The following SORCS1 variants were observed in gnomAD, a reference collection of about 807,000 sequenced individuals.
SORCS1 encodes the protein sortilin related VPS10 domain containing receptor 1, also known as VPS10 domain-containing receptor SorCS1.
A neutral mutation model predicts 146.1 loss-of-function variants in SORCS1; 60 were observed. That is an observed-to-expected ratio of 0.41 (90% CI 0.33 to 0.51). SORCS1 has a LOEUF of 0.51. SORCS1 is among the 20% of genes least tolerant of loss of function. The pLI is 0.21. For synonymous variants in SORCS1, 637 were observed against 584.0 expected (o/e 1.09, Z -1.31); for missense variants, 1,352 against 1,487.6 (o/e 0.91, Z 1.50).
At chr10:106,754,879 A>T (rs1858520171) in intron 5 of SORCS1, among the ~76,000 whole-genome samples, 1 of 152,232 alleles carries the variant, frequency 6.6e-6, no homozygotes, top group Non-Finnish European at 1.5e-5. Context: ...ATCACCATTC[A>T]GCTGTCCCTA....
chr10:107,150,347 C>T (rs1750257333), intron 1 of SORCS1, among the ~76,000 whole-genome samples: 1 of 152,214 alleles, frequency 6.6e-6, no homozygotes, highest in Non-Finnish European at 1.5e-5. Flanking sequence ...ACTTCCAAAA[C>T]AAAATCACTC....
intron 2 of SORCS1, among the ~76,000 whole-genome samples, chr10:106,854,074 C>T (rs1949693582): frequency 6.6e-6 from 1 of 151,886 alleles, no homozygotes; most frequent in East Asian, 1.9e-4. Flanking sequence ...ATAATAATGA[C>T]TTCATCTTTA....
chr10:107,176,220 C>T, the SORCS1 span, among the ~76,000 whole-genome samples: 1 of 150,512 alleles, frequency 6.6e-6, no homozygotes, highest in African/African-American at 2.5e-5. Context: ...TTCCTTCCTT[C>T]CTTCCTCCCT....
chr10:106,813,705 C>T (rs917368441), intron 3 of SORCS1, among the ~76,000 whole-genome samples: 2 of 152,146 alleles, frequency 1.3e-5, no homozygotes, highest in African/African-American at 4.8e-5. Flanking sequence ...GAGGCTGAGG[C>T]AGGAGGATCA....
chr10:106,963,110 A>ATTTTTTTTTTTTTTTTTTTTTTTT lies in SORCS1; in HGVS notation c.559-6554_559-6531dup, dbSNP rs749174613. ...AAGAGAGCAGTGTTCAATGGCCAGAATTTTTTTTTTTTTTTTTTTTTTTTT... is the reference window on the plus strand; with the variant it reads ...AAGAGAGCAGTGTTCAATGGCCAGAATTTTTTTTTTTTTTTTTTTTTTTTTTTTTTTTTTTTTTTTTTTTTTTTT... On this transcript the variant is annotated intron_variant, in intron 1 of 25. Coordinates refer to ENST00000263054, the MANE Select transcript of SORCS1 (RefSeq NM_052918.5). Among the ~76,000 whole-genome samples, 7 of 76,310 alleles carry ATTTTTTTTTTTTTTTTTTTTTTTT rather than the reference A, an allele frequency of 9.2e-5. 2 individuals are homozygous for ATTTTTTTTTTTTTTTTTTTTTTTT. The highest frequency in any genetic ancestry group is 6.5e-4 in the Admixed American group (3 of 4,640). 50.1% of individuals were successfully genotyped at this position (76,310 alleles called of 152,430 possible). A position where few individuals can be genotyped will look rare whatever the true frequency, so the allele number is the denominator to read the frequency against.
At chr10:107,118,507 C>A (rs1241218077) in intron 1 of SORCS1, among the ~76,000 whole-genome samples, 1 of 152,100 alleles carries the variant, frequency 6.6e-6, no homozygotes, top group Non-Finnish European at 1.5e-5. Context: ...TTTTTTTCCT[C>A]CACTGATTTA....
intron 18 of SORCS1, among the ~76,000 whole-genome samples, chr10:106,651,406 T>C (rs1331040896): frequency 6.6e-6 from 1 of 152,164 alleles, no homozygotes; most frequent in African/African-American, 2.4e-5. Flanking sequence ...TAGAAATGTA[T>C]ATTCTTGGGC....
At chr10:106,797,794 T>G (rs1455676650) in intron 3 of SORCS1, among the ~76,000 whole-genome samples, 16 of 152,176 alleles carry the variant, frequency 1.1e-4, no homozygotes, top group Non-Finnish European at 1.6e-4. Flanking sequence ...TCTCTGATTG[T>G]GCAGTCCAGG....
intron 24 of SORCS1, among the ~76,000 whole-genome samples, chr10:106,581,116 C>G (rs935721159): frequency 2.6e-5 from 4 of 152,164 alleles, no homozygotes; most frequent in African/African-American, 9.7e-5. Context: ...ACTCACCCTG[C>G]AACTGGTAGG....
the SORCS1 span, among the ~76,000 whole-genome samples, chr10:107,177,191 C>T: frequency 2.0e-5 from 3 of 151,708 alleles, no homozygotes; most frequent in African/African-American, 7.3e-5. Flanking sequence ...CCATTTTTTG[C>T]CTTCAATGTA....
intron 2 of SORCS1, among the ~76,000 whole-genome samples, chr10:106,870,166 C>T (rs530463267): frequency 1.3e-5 from 2 of 152,100 alleles, no homozygotes; most frequent in South Asian, 4.1e-4. Context: ...ATGAAAATTA[C>T]AAAATACTAC....
chr10:107,010,067 T>A (rs1319569157), intron 1 of SORCS1, among the ~76,000 whole-genome samples: 1 of 152,194 alleles, frequency 6.6e-6, no homozygotes, highest in African/African-American at 2.4e-5. Context: ...GAAAAAAGAA[T>A]CTAATCACTG....
chr10:106,893,183 G>C (rs569871235), intron 2 of SORCS1, among the ~76,000 whole-genome samples: 1 of 152,014 alleles, frequency 6.6e-6, no homozygotes, highest in Non-Finnish European at 1.5e-5. Flanking sequence ...GAATACAGGC[G>C]TGAGCCACCG....
At chr10:106,783,221 A>C (rs1861030174) in intron 3 of SORCS1, among the ~76,000 whole-genome samples, 1 of 152,176 alleles carries the variant, frequency 6.6e-6, no homozygotes, top group South Asian at 2.1e-4. Flanking sequence ...TAAAGCTTTA[A>C]ACTAAATTAT....
Position 107,164,425 on chromosome 10 carries a change from G to A in SORCS1, c.102C>T (p.Gly34=), listed in dbSNP as rs1312864398. 2 of 1,409,838 alleles carry A rather than the reference G, an allele frequency of 1.4e-6. No homozygotes were observed. Among genetic ancestry groups the A allele is most frequent in the Non-Finnish European group, 1.8e-6 (2 of 1,087,534 alleles). 87.3% of individuals were successfully genotyped at this position (1,409,838 alleles called of 1,614,324 possible). ...LILCAPGVCG[G]GSCCPSPHPS... ...GGTGCGGCGAGGGGCAGCAGGAGCCGCCGCCGCAGACGCCCGGGGCGCAGA... is the reference window on the plus strand; with the variant it reads ...GGTGCGGCGAGGGGCAGCAGGAGCCACCGCCGCAGACGCCCGGGGCGCAGA... The change falls in exon 1 of 26, where the codon GGC becomes GGT. Residue 34 remains glycine, a synonymous_variant. Transcript: ENST00000263054. The surrounding 1 kb of genome is among the most constrained non-coding windows in gnomAD (Gnocchi z 6.8).
intron 1 of SORCS1, among the ~76,000 whole-genome samples, chr10:107,107,366 A>G (rs1164122813): frequency 6.6e-6 from 1 of 152,216 alleles, no homozygotes; most frequent in Non-Finnish European, 1.5e-5. Context: ...ATTACTAGAC[A>G]GTGGAGGAAG....
chr10:107,113,969 A>G (rs1965862094), intron 1 of SORCS1, among the ~76,000 whole-genome samples: 1 of 152,110 alleles, frequency 6.6e-6, no homozygotes, highest in South Asian at 2.1e-4. Context: ...GCGACCCAAA[A>G]CTGGTAATAC....
chr10:106,580,268 A>C (rs1393436543), intron 24 of SORCS1, among the ~76,000 whole-genome samples: 1 of 152,170 alleles, frequency 6.6e-6, no homozygotes, highest in Non-Finnish European at 1.5e-5. Context: ...AAAAGCTCTG[A>C]CAGCCCTCCC....
At chr10:107,167,843 TAGAG>T (rs1280293583), upstream of SORCS1, among the ~76,000 whole-genome samples, 1 of 151,884 alleles carries the variant, frequency 6.6e-6, no homozygotes, top group Non-Finnish European at 1.5e-5. Flanking sequence ...CAGAAGCAGA[TAGAG>T]AAAGAAGCAG....
Sources: allele counts gnomAD v4.1 joint callset (sites outside exome capture counted in the v4.1 genomes callset), GRCh38; gene constraint gnomAD v4.1.1; non-coding constraint Gnocchi (gnomAD v3.1); transcripts MANE v1.5; gene names NCBI Gene and HGNC (gene_info 2026-07-23, HGNC 2026-07-21).